The following NEK4 variants were observed in gnomAD, a reference collection of about 807,000 sequenced individuals.
The protein encoded by NEK4 is NIMA related kinase 4.
NEK4 carries 86 observed loss-of-function variants against 98.4 expected under a neutral mutation model. The ratio of observed to expected loss-of-function variants is 0.87; its 90% confidence interval spans 0.73 to 1.05. The LOEUF is 1.05. NEK4 is among the 50% of genes least tolerant of loss of function. The pLI, the probability that NEK4 is intolerant of heterozygous loss-of-function variation, is 0.00. For synonymous variants in NEK4, 328 were observed against 342.2 expected (o/e 0.96, Z 0.46); for missense variants, 898 against 950.3 (o/e 0.94, Z 0.72).
chr3:52,766,468 T>C (rs1698563959), intron 2 of NEK4, 93 bp from the exon 3 acceptor site: 2 of 894,002 alleles, frequency 2.2e-6, no homozygotes, highest in Admixed American at 2.1e-5. Context: ...TGGCATGAGT[T>C]AGAGTCTTTG....
chr3:52,752,927 T>C (rs1218445865), intron 6 of NEK4, among the ~76,000 whole-genome samples: 38 of 45,628 alleles, frequency 8.3e-4, no homozygotes, highest in African/African-American at 2.9e-3. Context: ...AATATATATA[T>C]ATATATACAC....
Position 52,737,699 on chromosome 3 carries a change from T to C in NEK4, c.2320A>G (p.Lys774Glu), listed in dbSNP as rs143790506. 2.5e-4 allele frequency: 407 copies of C among 1,612,512 alleles called. No individual in the cohort carries two copies. Among genetic ancestry groups the C allele is most frequent in the Middle Eastern group, 4.9e-4 (3 of 6,062 alleles). ...LPSAIMPGSE[K>E]IRRLVEVLRT... is the part of the protein sequence containing the mutation. ...AAGACTTCAACTAGTCTCCTGATCT[T>C]TTCAGAACCTGGCATAATAGCTAAA... Residue 774 changes from lysine (K) to glutamate (E), a missense_variant, in exon 15 of 16, where the codon AAG (lysine) becomes GAG (glutamate). Transcript: ENST00000233027.
intron 15 of NEK4, among the ~76,000 whole-genome samples, chr3:52,724,930 T>C (rs1357785015): frequency 1.3e-5 from 2 of 152,222 alleles, no homozygotes; most frequent in African/African-American, 4.8e-5. Flanking sequence ...TCTATAAATA[T>C]GTACAATTAT....
chr3:52,716,236 G>A (rs2097355063), intron 15 of NEK4, among the ~76,000 whole-genome samples: 1 of 152,174 alleles, frequency 6.6e-6, no homozygotes, highest in South Asian at 2.1e-4. Flanking sequence ...AAGCCCAGTG[G>A]GCCCAAGTAA....
At position 52,739,037 on chromosome 3, in the gene NEK4, A is replaced by T. The variant is rs539230557; in HGVS notation, c.2299+392T>A. ...GAAATAATTTTAAAAACACAAAAAAATTTATAGGCATTAGTTCCTTGTTTT... is the reference window on the plus strand; with the variant it reads ...GAAATAATTTTAAAAACACAAAAAATTTTATAGGCATTAGTTCCTTGTTTT... On this transcript the variant is annotated intron_variant, in intron 14 of 15. Coordinates refer to ENST00000233027, the MANE Select transcript of NEK4 (RefSeq NM_003157.6). 2.6e-4 allele frequency among the ~76,000 whole-genome samples: 39 copies of T among 152,358 alleles called. No individual in the cohort carries two copies. In the East Asian group the frequency reaches 3.9e-3, roughly 15 times the overall value.
chr3:52,720,180 G>A (rs2097358813), intron 15 of NEK4, among the ~76,000 whole-genome samples: 1 of 152,070 alleles, frequency 6.6e-6, no homozygotes, highest in African/African-American at 2.4e-5. Context: ...GTACTTGGGA[G>A]GCTGAAGCAG....
chr3:52,762,958 A>T (rs1698412348), intron 5 of NEK4, among the ~76,000 whole-genome samples: 1 of 152,226 alleles, frequency 6.6e-6, no homozygotes, highest in African/African-American at 2.4e-5. Flanking sequence ...AGCAGAAGAT[A>T]AAACTCCCAT....
At chr3:52,756,547 C>G (rs1056437016) in intron 6 of NEK4, among the ~76,000 whole-genome samples, 4 of 152,002 alleles carry the variant, frequency 2.6e-5, no homozygotes, top group African/African-American at 9.7e-5. Flanking sequence ...AGCTAGATAT[C>G]CATATACAGA....
At chr3:52,753,696 C>G (rs953014165) in intron 6 of NEK4, 4 of 577,374 alleles carry the variant, frequency 6.9e-6, no homozygotes, top group Non-Finnish European at 1.4e-5. Context: ...CCTGTCCCAG[C>G]AGCACAGTCA....
chr3:52,767,935 A>G (rs1299977521), intron 2 of NEK4, among the ~76,000 whole-genome samples: 3 of 152,220 alleles, frequency 2.0e-5, no homozygotes, highest in African/African-American at 7.2e-5. Flanking sequence ...CTTGTTTTGC[A>G]TTCCCATCTA....
At chr3:52,755,589 A>C (rs1202096285) in intron 6 of NEK4, among the ~76,000 whole-genome samples, 1 of 152,230 alleles carries the variant, frequency 6.6e-6, no homozygotes. Context: ...CATCACATTT[A>C]ATGGTGAAAG....
chr3:52,740,572 C>T (rs1409708869), intron 13 of NEK4, among the ~76,000 whole-genome samples: 3 of 151,930 alleles, frequency 2.0e-5, no homozygotes, highest in Admixed American at 1.3e-4. Flanking sequence ...CCGAGGTGGG[C>T]GGATCACCTG....
rs1698668445 is a variant in NEK4, at chr3:52,768,603, T to A, written c.95A>T (p.Tyr32Phe). The change falls in exon 2 of 16, where the codon TAT (tyrosine) becomes TTT (phenylalanine). Residue 32 changes from tyrosine to phenylalanine, a missense_variant and splice_region_variant. Transcript: ENST00000233027. ...LVKHRRDGKQ[Y>F]VIKKLNLRNA... Reference sequence around the variant, plus strand: ...TCGGAGGTTCAGTTTTTTGATGACATACTAAAAACAAACCATGTATTTTTA... The same window carrying A: ...TCGGAGGTTCAGTTTTTTGATGACAAACTAAAAACAAACCATGTATTTTTA... The A allele has an allele frequency of 6.2e-7, 1 of 1,612,900 alleles. No individual in the cohort carries two copies. The highest frequency in any genetic ancestry group is 8.5e-7 in the Non-Finnish European group (1 of 1,179,174).
chr3:52,743,357 T>C lies in NEK4; in HGVS notation c.1999A>G (p.Thr667Ala). 5 of 1,613,130 alleles carry C rather than the reference T, an allele frequency of 3.1e-6. No homozygotes were observed. Among genetic ancestry groups the C allele is most frequent in the Non-Finnish European group, 3.4e-6 (4 of 1,179,116 alleles). ...ARRLSSDCSV[T>A]QERKQIHCLS... ...CTTAGGAGTACGTAATGCACCTGAG[T>C]GACGCTGCAGTCAGAGGAGAGCCGT... The change falls in exon 12 of 16, where the codon ACT becomes GCT. Residue 667 changes from threonine to alanine, a missense_variant. Coordinates refer to ENST00000233027, the MANE Select transcript of NEK4 (RefSeq NM_003157.6).
chr3:52,741,619 G>T, intron 12 of NEK4, 120 bp from the exon 13 acceptor site: 2 of 568,360 alleles, frequency 3.5e-6, no homozygotes, highest in Non-Finnish European at 6.3e-6. Context: ...TATAACAGGA[G>T]AATCTAACAA....
At chr3:52,712,952 G>C (rs1004086714) in intron 15 of NEK4, among the ~76,000 whole-genome samples, 16 of 152,132 alleles carry the variant, frequency 1.1e-4, no homozygotes, top group Non-Finnish European at 2.2e-4. Flanking sequence ...GGGTGGTCTT[G>C]GGAAATGCAA....
At chr3:52,748,820 C>T (rs552243042) in intron 8 of NEK4, among the ~76,000 whole-genome samples, 1 of 152,336 alleles carries the variant, frequency 6.6e-6, no homozygotes, top group African/African-American at 2.4e-5. Context: ...AGGTGGCTCA[C>T]ACCCGTAATC....
intron 15 of NEK4, among the ~76,000 whole-genome samples, chr3:52,734,176 G>A (rs2097372682): frequency 6.6e-6 from 1 of 152,176 alleles, no homozygotes; most frequent in Non-Finnish European, 1.5e-5. Flanking sequence ...GCCAGGCGCG[G>A]TGGCTCATGC....
At position 52,711,678 on chromosome 3, in the gene NEK4, A is replaced by G. The variant is rs2097350533; in HGVS notation, c.*99T>C. ...GAGATATAAAAAAGAGATATAAAAC[A>G]GTGGTGAGTGGCTTCCAAATGACTG... On this transcript the variant is annotated 3_prime_UTR_variant, in exon 16 of 16. Transcript: ENST00000233027. The G allele has an allele frequency of 4.2e-6, 3 of 710,760 alleles. No individual in the cohort carries two copies. The highest frequency in any genetic ancestry group is 2.5e-5 in the East Asian group (1 of 39,548). The allele number at this position is 710,760 out of a possible 1,614,324, so 44.0% of individuals were successfully genotyped here. A position where few individuals can be genotyped will look rare whatever the true frequency, so the allele number is the denominator to read the frequency against.
Sources: allele counts gnomAD v4.1 joint callset (sites outside exome capture counted in the v4.1 genomes callset), GRCh38; gene constraint gnomAD v4.1.1; transcripts MANE v1.5; gene names NCBI Gene and HGNC (gene_info 2026-07-23, HGNC 2026-07-21).